The following TRPM2 variants were observed in gnomAD, a reference collection of about 807,000 sequenced individuals.
The protein encoded by TRPM2 is estrogen-responsive element-associated gene 1 protein.
A neutral mutation model predicts 174.0 loss-of-function variants in TRPM2; 161 were observed. The observed-to-expected ratio is 0.93, with a 90% CI of 0.81 to 1.05. TRPM2 has a LOEUF of 1.05. Among genes scored for constraint, TRPM2 ranks in the 50% least tolerant of loss-of-function variants. The pLI is 0.00. For synonymous variants in TRPM2, 954 were observed against 861.3 expected (o/e 1.11, Z -1.88); for missense variants, 2,057 against 2,038.0 (o/e 1.01, Z -0.18).
chr21:44,417,655 C>T (rs556758962), intron 20 of TRPM2, among the ~76,000 whole-genome samples: 2 of 130,456 alleles, frequency 1.5e-5, no homozygotes, highest in Non-Finnish European at 3.2e-5. Context: ...ACAGTGGGCA[C>T]GTGGGCGTGG....
rs534734326 is a variant in TRPM2 at position 44,386,542 on chromosome 21, G to T, written c.1318+3722G>T. 2.6e-5 allele frequency among the ~76,000 whole-genome samples: 4 copies of T among 152,242 alleles called. No individual in the cohort carries two copies. The South Asian group carries it at 8.3e-4, about 32-fold the overall frequency. ...CTGAGGAATTAATTAAACCAAGGGG[G>T]TGAAAGACTTGTACAATGAAAACTG... On this transcript the variant is annotated intron_variant, in intron 9 of 31. Transcript: ENST00000397928.
In TRPM2 at chr21:44,403,636, TAC is replaced by T. The variant is rs936937808; in HGVS notation, c.2539-1500_2539-1499del. Among the ~76,000 whole-genome samples the T allele has an allele frequency of 1.3e-4, 20 of 149,912 alleles. 1 individual carries two copies. The highest frequency in any genetic ancestry group is 5.9e-4 in the East Asian group (3 of 5,046). ...AGGCACACACATTCATGCATATGTA[TAC>T]ACACATGCACACATGCACACACATG... On this transcript the variant is annotated intron_variant, in intron 16 of 31. Transcript: ENST00000397928.
chr21:44,373,464 G>A (rs146894079), intron 5 of TRPM2, among the ~76,000 whole-genome samples: 46 of 152,360 alleles, frequency 3.0e-4, no homozygotes, highest in African/African-American at 1.1e-3. Flanking sequence ...TGGGATTACA[G>A]GTGTGAGCCA....
chr21:44,431,115 G>A (rs528638381), intron 27 of TRPM2, among the ~76,000 whole-genome samples: 1 of 151,480 alleles, frequency 6.6e-6, no homozygotes, highest in South Asian at 2.1e-4. Flanking sequence ...TTATGGATTT[G>A]CTCTTGATTT....
intron 18 of TRPM2, 24 bp from the exon 19 acceptor site, chr21:44,406,570 G>T: frequency 6.3e-7 from 1 of 1,598,090 alleles, no homozygotes. Flanking sequence ...GGAGAGTGTA[G>T]CCCACACACT....
At position 44,430,676 on chromosome 21, in the gene TRPM2, G is replaced by T. The variant is rs1207413902; in HGVS notation, c.3974+3565G>T. ...GATCTTCTGACCTCATGATCCACCC[G>T]CCTCGGCCTCCCAAAGTGCTGGGAT... On this transcript the variant is annotated intron_variant, in intron 27 of 31. Coordinates refer to ENST00000397928, the MANE Select transcript of TRPM2 (RefSeq NM_003307.4). Among the ~76,000 whole-genome samples, 18 of 7,926 alleles carry T rather than the reference G, an allele frequency of 2.3e-3. 8 individuals are homozygous for T. Among genetic ancestry groups the T allele is most frequent in the African/African-American group, 0.01 (18 of 1,754 alleles). 5.2% of individuals were successfully genotyped at this position (7,926 alleles called of 152,430 possible).
intron 9 of TRPM2, among the ~76,000 whole-genome samples, chr21:44,385,491 G>T (rs1284877022): frequency 6.6e-6 from 1 of 152,212 alleles, no homozygotes; most frequent in Non-Finnish European, 1.5e-5. Context: ...AGGGAAGGAT[G>T]CATACTTTCA....
At chr21:44,427,901 G>T (rs949566567) in intron 27 of TRPM2, among the ~76,000 whole-genome samples, 2 of 152,148 alleles carry the variant, frequency 1.3e-5, no homozygotes, top group African/African-American at 4.8e-5. Context: ...CTGGTGTTGG[G>T]GGTATGTGGG....
intron 4 of TRPM2, among the ~76,000 whole-genome samples, chr21:44,368,094 A>T (rs2048411453): frequency 6.6e-6 from 1 of 152,096 alleles, no homozygotes; most frequent in South Asian, 2.1e-4. Context: ...TTATCTTTCT[A>T]TCTATCTATC....
chr21:44,424,901 C>G lies in TRPM2; in HGVS notation c.3599C>G (p.Ala1200Gly), dbSNP rs143181077. 41 of 1,608,016 alleles carry G rather than the reference C, an allele frequency of 2.5e-5. No individual in the cohort carries two copies. The South Asian group carries it at 4.2e-4, about 17-fold the overall frequency. ...CACTGGATCGTGAGGACGCTGCGGG[C>G]CAGCGGCTTCAGCTCGGAGGCGGAC... ...ALHWIVRTLR[A>G]SGFSSEADVP... The change falls in exon 24 of 32, where the codon GCC (alanine) becomes GGC (glycine). Residue 1200 changes from alanine (A) to glycine (G), a missense_variant. Transcript: ENST00000397928.
At position 44,438,486 on chromosome 21, in the gene TRPM2, A is replaced by C. The variant is rs1163621243; in HGVS notation, c.4168-581A>C. Among the ~76,000 whole-genome samples, 1 of 152,162 alleles carries C rather than the reference A, an allele frequency of 6.6e-6. No individual in the cohort carries two copies. The highest frequency in any genetic ancestry group is 1.5e-5 in the Non-Finnish European group (1 of 68,024). Reference sequence around the variant, plus strand: ...GTGGGACCGTCTTGACGTGGCCTGCAAAGTCTTCATGAGAAACCCACGGGT... The same window carrying C: ...GTGGGACCGTCTTGACGTGGCCTGCCAAGTCTTCATGAGAAACCCACGGGT... On this transcript the variant is annotated intron_variant, in intron 29 of 31. Transcript: ENST00000397928. The surrounding 1 kb of genome is among the most constrained non-coding windows in gnomAD (Gnocchi z 5.9).
rs892328556 is a variant in TRPM2 at position 44,442,086 on chromosome 21, G to A, written c.*269G>A. 2.7e-5 allele frequency: 10 copies of A among 375,944 alleles called. No homozygotes were observed. The highest frequency in any genetic ancestry group is 9.3e-5 in the Admixed American group (2 of 21,436). The allele number at this position is 375,944 out of a possible 1,614,324, so 23.3% of individuals were successfully genotyped here. A position where few individuals can be genotyped will look rare whatever the true frequency, so the allele number is the denominator to read the frequency against. On this transcript the variant is annotated 3_prime_UTR_variant, in exon 32 of 32. Coordinates refer to ENST00000397928, the MANE Select transcript of TRPM2 (RefSeq NM_003307.4). ...CCCCTGGGACCCTTGGCCATCAGGC[G>A]AGGGGCTGGGCCTGTGCAGCTGGGC... is the stretch of plus-strand genomic sequence containing the variant.
In TRPM2 at chr21:44,400,286, C is replaced by T; in HGVS notation, c.2236C>T (p.Gln746Ter). The change falls in exon 15 of 32, where the codon CAG becomes TAG. Residue 746 changes from glutamine to a stop codon, truncating the protein, a stop_gained. Transcript: ENST00000397928. LOFTEE classifies it high-confidence loss of function. ...QAFLTKVWWG[Q>*]LSVDNGLWRV... The stretch of plus-strand genomic sequence containing the variant: ...CTTCCTGACCAAGGTGTGGTGGGGC[C>T]AGCTCTCCGTGGACAATGGGCTGTG... 3.7e-6 allele frequency: 6 copies of T among 1,612,842 alleles called. No homozygotes were observed. The highest frequency in any genetic ancestry group is 5.1e-6 in the Non-Finnish European group (6 of 1,179,862).
At chr21:44,383,018 T>G (rs1479354734) in intron 9 of TRPM2, among the ~76,000 whole-genome samples, 198 bp downstream of exon 9, 1 of 152,208 alleles carries the variant, frequency 6.6e-6, no homozygotes, top group East Asian at 1.9e-4. Context: ...TGAGCTCCTT[T>G]ATTTGTAACT....
At chr21:44,411,716 A>T (rs1234005623) in intron 19 of TRPM2, among the ~76,000 whole-genome samples, 1 of 152,194 alleles carries the variant, frequency 6.6e-6, no homozygotes, top group Non-Finnish European at 1.5e-5. Context: ...ATTAAGTGTG[A>T]TGTTAGCTGT....
rs144504276 is a variant in TRPM2, at chr21:44,358,299, ATCC to A, written c.254+3566_254+3568del. Among the ~76,000 whole-genome samples the A allele has an allele frequency of 4.2e-3, 600 of 141,196 alleles. 9 individuals carry two copies. The highest frequency in any genetic ancestry group is 0.031 in the East Asian group (155 of 5,046). 92.6% of individuals were successfully genotyped at this position (141,196 alleles called of 152,430 possible). On this transcript the variant is annotated intron_variant, in intron 2 of 31. Transcript: ENST00000397928. ...ATGACTTCTCTTCCCTGGGCCACCA[ATCC>A]TCATCTGTGAGCGCAGAGACTGGAG...
intron 16 of TRPM2, among the ~76,000 whole-genome samples, chr21:44,402,844 G>T (rs1320076301): frequency 6.6e-6 from 1 of 152,208 alleles, no homozygotes; most frequent in Admixed American, 6.5e-5. Context: ...TGGTGAGGGG[G>T]TGGGGTCAGC....
In TRPM2 at chr21:44,376,989, T is replaced by C. The variant is rs2048721899; in HGVS notation, c.953-723T>C. 6.7e-6 allele frequency among the ~76,000 whole-genome samples: 1 copy of C among 149,990 alleles called. No homozygotes were observed. The highest frequency in any genetic ancestry group is 2.5e-5 in the African/African-American group (1 of 40,248). On this transcript the variant is annotated intron_variant, in intron 6 of 31. Transcript: ENST00000397928. This position sits in a 1 kb window ranked among gnomAD's most constrained non-coding sequence, Gnocchi z 4.2. Reference sequence around the variant, plus strand: ...GCACGTTCCCTGGTGAGGACGATGCTGCAGTTCAGGGACCAGGGACCACAC... The same window carrying C: ...GCACGTTCCCTGGTGAGGACGATGCCGCAGTTCAGGGACCAGGGACCACAC...
Position 44,405,934 on chromosome 21 carries a change from G to A in TRPM2, c.2687G>A (p.Arg896His), listed in dbSNP as rs201744149. The change falls in exon 18 of 32, where the codon CGC becomes CAC. Residue 896 changes from arginine (R) to histidine (H), a missense_variant. Coordinates refer to ENST00000397928, the MANE Select transcript of TRPM2 (RefSeq NM_003307.4). ...RLIPATLYPG[R>H]VILSLDFILF... ...ATCCCGGCGACGCTGTACCCCGGGC[G>A]CGTCATCCTCTCTCTGGACTTCATC... The A allele has an allele frequency of 1.3e-4, 213 of 1,606,308 alleles. No homozygotes were observed. The highest frequency in any genetic ancestry group is 1.7e-4 in the Non-Finnish European group (198 of 1,179,712).
Sources: allele counts gnomAD v4.1 joint callset (sites outside exome capture counted in the v4.1 genomes callset), GRCh38; gene constraint gnomAD v4.1.1; non-coding constraint Gnocchi (gnomAD v3.1); transcripts MANE v1.5; gene names NCBI Gene and HGNC (gene_info 2026-07-23, HGNC 2026-07-21).